Variants in ERAP1 observed in about 807,000 individuals in gnomAD.
ERAP1 encodes the protein endoplasmic reticulum aminopeptidase 1, also known as adipocyte-derived leucine aminopeptidase.
In ERAP1, 86 loss-of-function variants were observed where a neutral mutation model predicts 103.7. The ratio of observed to expected loss-of-function variants is 0.83; its 90% CI spans 0.70 to 0.99. The LOEUF (loss-of-function observed/expected upper bound fraction) is 0.99. Among genes scored for constraint, ERAP1 ranks in the 50% least tolerant of loss-of-function variants. The pLI is 0.00. For missense variants in ERAP1, 1,009 were observed against 1,128.4 expected (o/e 0.89, Z 1.52); for synonymous variants, 398 against 402.4 (o/e 0.99, Z 0.13).
the ERAP1 span, chr5:96,901,832 GCTTCATATAACCCGGA>G: frequency 1.3e-6 from 1 of 754,340 alleles, no homozygotes. Flanking sequence ...GATTTAAAGA[GCTTCATATAACCCGGA>G]CTTCTTTGTT....
At chr5:96,770,612 G>A, downstream of ERAP1, 1 of 1,583,488 alleles carries the variant, frequency 6.3e-7, no homozygotes, top group Non-Finnish European at 8.7e-7. Context: ...GGTAAATGGA[G>A]CAGTAAATAT....
At chr5:96,837,423 G>A in the ERAP1 span, among the ~76,000 whole-genome samples, 1 of 152,330 alleles carries the variant, frequency 6.6e-6, no homozygotes, top group Non-Finnish European at 1.5e-5. Context: ...TCGTGGGCGG[G>A]AACTGGAGTG....
At chr5:96,930,309 T>C in the ERAP1 span, among the ~76,000 whole-genome samples, 28 of 152,214 alleles carry the variant, frequency 1.8e-4, no homozygotes, top group Admixed American at 3.9e-4. Context: ...CCTTTTGATG[T>C]CAGAGGACTG....
chr5:96,800,399 C>T (rs1777849914), intron 3 of ERAP1, among the ~76,000 whole-genome samples: 1 of 152,080 alleles, frequency 6.6e-6, no homozygotes, highest in African/African-American at 2.4e-5. Context: ...TTCTGTCTGC[C>T]CAATTTTGTA....
At chr5:96,884,395 C>A in the ERAP1 span, among the ~76,000 whole-genome samples, 1 of 152,162 alleles carries the variant, frequency 6.6e-6, no homozygotes, top group Non-Finnish European at 1.5e-5. Context: ...GTCCAGAGAC[C>A]CCTTTTGCAG....
At chr5:96,903,369 C>A in the ERAP1 span, 4 of 1,598,028 alleles carry the variant, frequency 2.5e-6, no homozygotes, top group East Asian at 9.0e-5. Flanking sequence ...CCAATCTTAT[C>A]CTCTTAGATA....
At chr5:96,801,031 A>C in intron 2 of ERAP1, 31 bp from the exon 3 acceptor site, 1 of 1,612,482 alleles carries the variant, frequency 6.2e-7, no homozygotes, top group Non-Finnish European at 8.5e-7. Flanking sequence ...ATAAAAATTG[A>C]GCATGAAGCA....
At chr5:96,817,287 C>T in the ERAP1 span, among the ~76,000 whole-genome samples, 1 of 152,140 alleles carries the variant, frequency 6.6e-6, no homozygotes, top group Non-Finnish European at 1.5e-5. Context: ...GACCTCCAGC[C>T]TCAGCTTGTT....
the ERAP1 span, chr5:96,902,946 A>T: frequency 6.4e-6 from 1 of 155,306 alleles, no homozygotes. Flanking sequence ...TTTCCGTCAC[A>T]AAGTCATGCT....
chr5:96,886,713 A>C, the ERAP1 span: 3 of 1,552,740 alleles, frequency 1.9e-6, no homozygotes, highest in Admixed American at 5.1e-5. Flanking sequence ...ACTACTGTAA[A>C]AATGAGTACA....
At chr5:96,854,668 AAC>A in the ERAP1 span, among the ~76,000 whole-genome samples, 2 of 152,162 alleles carry the variant, frequency 1.3e-5, no homozygotes, top group Non-Finnish European at 2.9e-5. Context: ...CTCTAACACA[AAC>A]AGTTAGAATC....
At chr5:96,765,787 ATTAT>A (rs1202860221) in intron 19 of ERAP1, among the ~76,000 whole-genome samples, 7 of 150,298 alleles carry the variant, frequency 4.7e-5, no homozygotes, top group African/African-American at 1.5e-4. Context: ...TCTGAAGATA[ATTAT>A]TTAATCATTT....
intron 18 of ERAP1, among the ~76,000 whole-genome samples, chr5:96,778,133 A>G (rs1774619120): frequency 6.6e-6 from 1 of 152,204 alleles, no homozygotes; most frequent in Non-Finnish European, 1.5e-5. Context: ...TTGTTCACCA[A>G]TATTTACTCT....
chr5:96,762,353 C>T (rs1768292070), exon 20 of ERAP1: 2 of 1,600,434 alleles, frequency 1.2e-6, no homozygotes, highest in Non-Finnish European at 1.7e-6. Flanking sequence ...CAAGCTGGAG[C>T]CCCACCCCGT....
chr5:96,790,647 A>T lies in ERAP1; in HGVS notation c.1321-4T>A, dbSNP rs1413734285. 6.2e-7 allele frequency: 1 copy of T among 1,606,888 alleles called. No homozygotes were observed. The highest frequency in any genetic ancestry group is 1.7e-5 in the Admixed American group (1 of 59,990). ...GCATATTCAGAATACAAGCTCCCTGAAAAGATAATAGAAATAATTGTTATC... is the reference window on the plus strand; with the variant it reads ...GCATATTCAGAATACAAGCTCCCTGTAAAGATAATAGAAATAATTGTTATC... On this transcript the variant is annotated splice_polypyrimidine_tract_variant and splice_region_variant and intron_variant, in intron 8 of 18. Coordinates refer to ENST00000443439, the MANE Select transcript of ERAP1 (RefSeq NM_001040458.3).
At chr5:96,780,908 G>A (rs1561666390) in intron 17 of ERAP1, 150 bp downstream of exon 17, 2 of 910,030 alleles carry the variant, frequency 2.2e-6, no homozygotes, top group Admixed American at 4.3e-5. Flanking sequence ...CCAGTTTTAT[G>A]TTTTCTACAA....
intron 19 of ERAP1, among the ~76,000 whole-genome samples, chr5:96,764,674 C>T (rs1057462774): frequency 3.3e-5 from 5 of 152,150 alleles, no homozygotes; most frequent in South Asian, 2.1e-4. Context: ...CTGCGGGTCA[C>T]GCTGCACTTT....
chr5:96,899,286 A>ACT, the ERAP1 span, among the ~76,000 whole-genome samples: 3 of 152,152 alleles, frequency 2.0e-5, no homozygotes, highest in Non-Finnish European at 4.4e-5. Flanking sequence ...GTTTTAAGAA[A>ACT]AGTCCCCCAT....
intron 3 of ERAP1, among the ~76,000 whole-genome samples, chr5:96,799,992 A>G (rs1253440894): frequency 6.6e-6 from 1 of 152,152 alleles, no homozygotes; most frequent in East Asian, 1.9e-4. Flanking sequence ...GGCTCTCAGT[A>G]TCTCTCCATG....
Sources: allele counts gnomAD v4.1 joint callset (sites outside exome capture counted in the v4.1 genomes callset), GRCh38; gene constraint gnomAD v4.1.1; transcripts MANE v1.5; gene names NCBI Gene and HGNC (gene_info 2026-07-23, HGNC 2026-07-21).